Variants in WHRN observed in about 807,000 individuals in gnomAD.
The protein encoded by WHRN is whirlin, also known as CASK-interacting protein CIP98.
WHRN carries 41 observed loss-of-function variants against 68.3 expected under a neutral mutation model. The ratio of observed to expected loss-of-function variants is 0.60; its 90% CI spans 0.47 to 0.78. WHRN has a LOEUF of 0.78. Ranked by LOEUF, WHRN falls within the 30% of genes least tolerant of loss-of-function variation. The pLI is 0.00. For missense variants in WHRN, 1,243 were observed against 1,244.7 expected (o/e 1.00, Z 0.02); for synonymous variants, 560 against 561.3 (o/e 1.00, Z 0.03).
At chr9:114,496,922 A>C (rs1180237567) in intron 1 of WHRN, among the ~76,000 whole-genome samples, 2 of 152,198 alleles carry the variant, frequency 1.3e-5, no homozygotes, top group African/African-American at 4.8e-5. Flanking sequence ...TGGGGACAGG[A>C]AAGGTTCACC....
At chr9:114,408,493 C>T (rs1433275025) in intron 7 of WHRN, among the ~76,000 whole-genome samples, 2 of 152,140 alleles carry the variant, frequency 1.3e-5, no homozygotes, top group Non-Finnish European at 1.5e-5. Flanking sequence ...TTAAATGGAC[C>T]TTATTTTGCA....
rs10982233 is a variant in WHRN, at chr9:114,467,388, G to C, written c.838-996C>G. On this transcript the variant is annotated intron_variant, in intron 2 of 11. Transcript: ENST00000362057. ...CTTCACGGTACAGTGTGAGCAGCGC[G>C]TGACAAAGTGGCTCGAGGGCCACAT... Among the ~76,000 whole-genome samples, 288 of 152,238 alleles carry C rather than the reference G, an allele frequency of 1.9e-3. 9 individuals are homozygous for C. In the South Asian group the frequency reaches 0.034, roughly 18 times the overall value.
chr9:114,406,250 C>T lies in WHRN; in HGVS notation c.2236+105G>A. On this transcript the variant is annotated intron_variant, in intron 9 of 11. Transcript: ENST00000362057. ...CCTTCGCCACTCTGGCCCTGAGCCCCCTCAACAAGTAGCTGGTCCCCCCCT... is the reference window on the plus strand; with the variant it reads ...CCTTCGCCACTCTGGCCCTGAGCCCTCTCAACAAGTAGCTGGTCCCCCCCT... 1.1e-5 allele frequency: 17 copies of T among 1,527,068 alleles called. No homozygotes were observed. In the South Asian group the frequency reaches 1.9e-4, roughly 17 times the overall value. The allele number at this position is 1,527,068 out of a possible 1,614,324, so 94.6% of individuals were successfully genotyped here. A position where few individuals can be genotyped will look rare whatever the true frequency, so the allele number is the denominator to read the frequency against.
chr9:114,453,022 A>T (rs1326504376), intron 3 of WHRN, among the ~76,000 whole-genome samples: 1 of 152,130 alleles, frequency 6.6e-6, no homozygotes, highest in Non-Finnish European at 1.5e-5. Context: ...CTGTTTCTTC[A>T]TGGAGGAAGG....
intron 3 of WHRN, among the ~76,000 whole-genome samples, chr9:114,458,492 G>A (rs1403606919): frequency 2.6e-5 from 4 of 152,208 alleles, no homozygotes; most frequent in Non-Finnish European, 4.4e-5. Context: ...AGAAAAAAAT[G>A]CGGGAAGGAG....
At chr9:114,447,640 G>A (rs1019609982) in intron 3 of WHRN, among the ~76,000 whole-genome samples, 1 of 152,146 alleles carries the variant, frequency 6.6e-6, no homozygotes, top group African/African-American at 2.4e-5. Flanking sequence ...TTGAATGTGT[G>A]TCCTCCACTA....
intron 3 of WHRN, among the ~76,000 whole-genome samples, chr9:114,459,685 G>C (rs1432896921): frequency 1.3e-5 from 2 of 152,200 alleles, no homozygotes; most frequent in African/African-American, 4.8e-5. Context: ...TCCTGGCAAA[G>C]TCCAGCACCC....
At chr9:114,420,686 G>A (rs1424847283) in intron 7 of WHRN, among the ~76,000 whole-genome samples, 2 of 152,094 alleles carry the variant, frequency 1.3e-5, no homozygotes, top group African/African-American at 4.8e-5. Flanking sequence ...GACCCTCCAC[G>A]AGTCCCCAAG....
At chr9:114,431,353 C>T (rs1481618793) in intron 3 of WHRN, among the ~76,000 whole-genome samples, 1 of 152,206 alleles carries the variant, frequency 6.6e-6, no homozygotes, top group Non-Finnish European at 1.5e-5. Flanking sequence ...TTCTCATGTG[C>T]TTCTCTTCCA....
intron 3 of WHRN, among the ~76,000 whole-genome samples, chr9:114,435,490 G>T (rs1190674721): frequency 6.6e-6 from 1 of 152,184 alleles, no homozygotes; most frequent in South Asian, 2.1e-4. Context: ...TCAAAGGGAA[G>T]ACAAAGAGGT....
chr9:114,429,857 C>T (rs1837254410), intron 3 of WHRN, among the ~76,000 whole-genome samples: 1 of 152,188 alleles, frequency 6.6e-6, no homozygotes, highest in African/African-American at 2.4e-5. Context: ...AGGAGAAACT[C>T]ATTCCTGCTG....
intron 6 of WHRN, 116 bp from the exon 7 acceptor site, chr9:114,423,639 C>T: frequency 1.0e-6 from 1 of 996,718 alleles, no homozygotes; most frequent in East Asian, 2.6e-5. Flanking sequence ...CCCTCCTTAA[C>T]TGTCTGGCTC....
intron 3 of WHRN, among the ~76,000 whole-genome samples, chr9:114,460,418 A>T (rs1840150758): frequency 1.3e-5 from 2 of 152,008 alleles, no homozygotes; most frequent in African/African-American, 2.4e-5. Context: ...TGCCTGATTC[A>T]TAATAACTGG....
chr9:114,491,570 T>C (rs935402603), intron 1 of WHRN: 5 of 187,736 alleles, frequency 2.7e-5, no homozygotes, highest in East Asian at 1.1e-4. Context: ...CCATGACCTG[T>C]GGTAACCAGC....
chr9:114,446,708 C>T (rs1242033773), intron 3 of WHRN, among the ~76,000 whole-genome samples: 2 of 152,150 alleles, frequency 1.3e-5, no homozygotes, highest in African/African-American at 4.8e-5. Context: ...TAGTGCAGAG[C>T]ACCACTCAGT....
At chr9:114,452,388 A>C (rs1839414165) in intron 3 of WHRN, among the ~76,000 whole-genome samples, 2 of 152,250 alleles carry the variant, frequency 1.3e-5, no homozygotes, top group Admixed American at 6.5e-5. Flanking sequence ...CTGAGTTTCC[A>C]TCACGCAAAT....
intron 3 of WHRN, among the ~76,000 whole-genome samples, chr9:114,464,843 GATGA>G (rs1248460389): frequency 8.5e-5 from 11 of 129,362 alleles, no homozygotes; most frequent in Non-Finnish European, 1.4e-4. Flanking sequence ...TGATGATGAT[GATGA>G]TGATGATGAT....
At chr9:114,499,733 G>A (rs1589278514) in intron 1 of WHRN, among the ~76,000 whole-genome samples, 1 of 152,234 alleles carries the variant, frequency 6.6e-6, no homozygotes, top group African/African-American at 2.4e-5. Flanking sequence ...CGCTGGTGCG[G>A]CTGCCGGCAG....
intron 9 of WHRN, among the ~76,000 whole-genome samples, chr9:114,405,074 T>C (rs866172846): frequency 0.2 from 18,303 of 90,558 alleles, 999 homozygotes; most frequent in East Asian, 0.3. Context: ...CTCTCTCTTT[T>C]TTTTTTTTTT....
Sources: allele counts gnomAD v4.1 joint callset (sites outside exome capture counted in the v4.1 genomes callset), GRCh38; gene constraint gnomAD v4.1.1; transcripts MANE v1.5; gene names NCBI Gene and HGNC (gene_info 2026-07-23, HGNC 2026-07-21).